WDR7: variants seen among roughly 807,000 people sequenced by gnomAD.
WDR7 encodes WD repeat-containing protein 7.
A neutral mutation model predicts 169.4 loss-of-function variants in WDR7; 46 were observed. That is an observed-to-expected ratio of 0.27 (90% CI 0.21 to 0.35). The LOEUF is 0.35. WDR7 is among the 10% of genes least tolerant of loss of function. The probability of loss-of-function intolerance (pLI) is 1.00; values close to 1 mark genes in which losing one functional copy is unlikely to be tolerated. For missense variants in WDR7, 1,534 were observed against 1,859.3 expected, an observed-to-expected ratio of 0.83 and a Z score of 3.22; for synonymous variants, 612 against 666.8, an observed-to-expected ratio of 0.92 and a Z score of 1.27.
chr18:56,795,377 G>C (rs8099372), intron 19 of WDR7, among the ~76,000 whole-genome samples: 11,237 of 152,120 alleles, frequency 0.074, 500 homozygotes, highest in East Asian at 0.19. Context: ...CTAGATATGC[G>C]TCTTGCTGTT....
chr18:56,664,545 T>A (rs684105), intron 1 of WDR7, among the ~76,000 whole-genome samples: 137,380 of 149,712 alleles, frequency 0.92, 64,202 homozygotes, highest in East Asian at 1. Context: ...TTTTTTTTTT[T>A]AAGAGACATT....
chr18:56,707,191 C>G (rs2025977947), intron 12 of WDR7, among the ~76,000 whole-genome samples: 1 of 152,058 alleles, frequency 6.6e-6, no homozygotes, highest in Non-Finnish European at 1.5e-5. Context: ...CCATGTTGGC[C>G]AGGATGGTCT....
chr18:56,681,183 G>A, intron 3 of WDR7, 130 bp from the exon 4 acceptor site: 2 of 711,240 alleles, frequency 2.8e-6, no homozygotes, highest in South Asian at 1.9e-5. Context: ...ATGAACAACA[G>A]TAATAACTGT....
At chr18:56,853,474 A>G (rs1056529191) in intron 20 of WDR7, among the ~76,000 whole-genome samples, 3 of 152,140 alleles carry the variant, frequency 2.0e-5, no homozygotes, top group African/African-American at 7.2e-5. Context: ...CACACACCCA[A>G]ACATCTTTGA....
intron 20 of WDR7, among the ~76,000 whole-genome samples, chr18:56,837,416 T>C (rs997567024): frequency 6.6e-6 from 1 of 152,198 alleles, no homozygotes; most frequent in African/African-American, 2.4e-5. Flanking sequence ...TAAGTAAAAA[T>C]GTCACAAGCT....
intron 26 of WDR7, among the ~76,000 whole-genome samples, chr18:56,966,617 G>A (rs1169270418): frequency 6.6e-6 from 1 of 152,118 alleles, no homozygotes; most frequent in Non-Finnish European, 1.5e-5. Context: ...ATAAGTAGTA[G>A]TCAAATTTGG....
chr18:56,926,880 G>A (rs1486538005), intron 22 of WDR7, among the ~76,000 whole-genome samples: 1 of 152,202 alleles, frequency 6.6e-6, no homozygotes, highest in Non-Finnish European at 1.5e-5. Context: ...TGAGATGGTG[G>A]GAAGTGGAGC....
intron 20 of WDR7, among the ~76,000 whole-genome samples, chr18:56,863,024 A>C (rs1421174819): frequency 6.6e-6 from 1 of 151,860 alleles, no homozygotes; most frequent in Non-Finnish European, 1.5e-5. Flanking sequence ...AGTTTCACCT[A>C]TACCCAGTGA....
chr18:56,853,383 G>C (rs2045670119), intron 20 of WDR7, among the ~76,000 whole-genome samples: 2 of 152,144 alleles, frequency 1.3e-5, no homozygotes, highest in African/African-American at 4.8e-5. Context: ...ACTGTGTGCA[G>C]TATATACAAA....
rs1599260591 is a variant in WDR7 at position 57,029,340 on chromosome 18, G to T, written c.*2133G>T. On this transcript the variant is annotated 3_prime_UTR_variant, in exon 28 of 28. Coordinates refer to ENST00000254442, the MANE Select transcript of WDR7 (RefSeq NM_015285.3). ...CCAAGGCCAGTAGAAAGCTATGGCT[G>T]CAAAACCCTGGGGTGGACGATGTTT... 6.6e-6 allele frequency: 1 copy of T among 152,212 alleles called. No homozygotes were observed. The highest frequency in any genetic ancestry group is 1.5e-5 in the Non-Finnish European group (1 of 68,064). The allele number at this position is 152,212 out of a possible 1,614,324, so 9.4% of individuals were successfully genotyped here. A position where few individuals can be genotyped will look rare whatever the true frequency, so the allele number is the denominator to read the frequency against.
chr18:56,870,768 T>G (rs1480702226), intron 20 of WDR7, among the ~76,000 whole-genome samples: 1 of 152,184 alleles, frequency 6.6e-6, no homozygotes, highest in Non-Finnish European at 1.5e-5. Context: ...ATTAGAGGTG[T>G]GAGCCACCAT....
At chr18:56,894,308 T>TAAAAGCCAGAGTCCTCCCCATGCCC (rs879533700) in intron 21 of WDR7, among the ~76,000 whole-genome samples, 2 of 152,044 alleles carry the variant, frequency 1.3e-5, no homozygotes, top group African/African-American at 2.4e-5. Context: ...TGCAAGGGTC[T>TAAAAGCCAGAGTCCTCCCCATGCCC]AAAAGCCAGA....
At chr18:56,681,700 A>G (rs1453942818) in intron 4 of WDR7, among the ~76,000 whole-genome samples, 2 of 152,240 alleles carry the variant, frequency 1.3e-5, no homozygotes, top group Non-Finnish European at 2.9e-5. Context: ...CTAGGTCCTA[A>G]ATAATGGAAT....
chr18:56,689,930 T>C (rs1361363749), intron 7 of WDR7, among the ~76,000 whole-genome samples: 2 of 152,112 alleles, frequency 1.3e-5, no homozygotes, highest in African/African-American at 4.8e-5. Flanking sequence ...ATAAATATTA[T>C]AAGAAATCAT....
chr18:56,991,396 T>C (rs568377615), intron 26 of WDR7, among the ~76,000 whole-genome samples: 14 of 152,216 alleles, frequency 9.2e-5, no homozygotes, highest in South Asian at 4.1e-4. Flanking sequence ...CCGCCTGCCT[T>C]GGCCTCCCAA....
chr18:56,838,662 C>T (rs1395413138), intron 20 of WDR7, among the ~76,000 whole-genome samples: 1 of 152,058 alleles, frequency 6.6e-6, no homozygotes, highest in African/African-American at 2.4e-5. Flanking sequence ...AAAGACACAG[C>T]CTGTATTTTA....
At chr18:56,789,756 C>G (rs1358392223) in intron 19 of WDR7, among the ~76,000 whole-genome samples, 1 of 152,202 alleles carries the variant, frequency 6.6e-6, no homozygotes, top group Non-Finnish European at 1.5e-5. Context: ...TGCAGAAATT[C>G]ATTACCTCTC....
intron 27 of WDR7, among the ~76,000 whole-genome samples, chr18:57,024,486 G>A (rs576964041): frequency 9.9e-5 from 15 of 151,454 alleles, no homozygotes; most frequent in Non-Finnish European, 1.3e-4. Context: ...GGTCTTTATC[G>A]TTCCACATGT....
chr18:56,942,525 G>A lies in WDR7; in HGVS notation c.4064+3132G>A, dbSNP rs191441798. Among the ~76,000 whole-genome samples, 37 of 152,266 alleles carry A rather than the reference G, an allele frequency of 2.4e-4. 1 individual carries two copies. The East Asian group carries it at 6.2e-3, about 25-fold the overall frequency. On this transcript the variant is annotated intron_variant, in intron 25 of 27. Coordinates refer to ENST00000254442, the MANE Select transcript of WDR7 (RefSeq NM_015285.3). ...CTTTTCCAATTATTTCATCAGGGTG[G>A]TCCTGGTAACATTTTTATTAATCTT...
Sources: gnomAD v4.1 joint callset for allele counts (sites outside exome capture counted in the v4.1 genomes callset) on GRCh38, gnomAD v4.1.1 for gene constraint, MANE v1.5 for transcripts, NCBI Gene and HGNC (gene_info 2026-07-23, HGNC 2026-07-21) for gene names.